Variants in PARP4 observed in about 807,000 individuals in gnomAD.
PARP4 encodes the protein protein mono-ADP-ribosyltransferase PARP4.
Under a neutral mutation model 187.7 loss-of-function variants are expected in PARP4, and 120 were observed. The observed-to-expected ratio is 0.64, with a 90% CI of 0.55 to 0.74. The LOEUF (loss-of-function observed/expected upper bound fraction) is 0.74, where lower values mean the gene tolerates loss of function less well. Ranked by LOEUF, PARP4 falls within the 30% of genes least tolerant of loss-of-function variation. PARP4 has a pLI of 0.00. For synonymous variants in PARP4, 654 were observed against 740.9 expected (o/e 0.88, Z 1.90); for missense variants, 1,836 against 2,070.5 (o/e 0.89, Z 2.20).
intron 30 of PARP4, among the ~76,000 whole-genome samples, chr13:24,436,653 T>A (rs537943549): frequency 6.6e-6 from 1 of 151,730 alleles, no homozygotes; most frequent in East Asian, 1.9e-4. Context: ...TACTAGAACA[T>A]GAACAATATG....
intron 25 of PARP4, among the ~76,000 whole-genome samples, chr13:24,447,971 C>T (rs2185620): frequency 0.83 from 125,712 of 152,040 alleles, 54,503 homozygotes; most frequent in East Asian, 0.98. Context: ...CTTTGGGAGG[C>T]CAAGGCAGGC....
intron 1 of PARP4, among the ~76,000 whole-genome samples, chr13:24,507,048 G>A (rs924409974): frequency 2.6e-5 from 4 of 152,198 alleles, no homozygotes; most frequent in African/African-American, 7.2e-5. Flanking sequence ...CTGCTGGCCC[G>A]GACGCTAAGC....
At chr13:24,477,166 T>C (rs1385308622) in intron 14 of PARP4, among the ~76,000 whole-genome samples, 1 of 152,190 alleles carries the variant, frequency 6.6e-6, no homozygotes, top group Non-Finnish European at 1.5e-5. Flanking sequence ...ATCATCCTAG[T>C]TGTTATGTAC....
intron 6 of PARP4, among the ~76,000 whole-genome samples, chr13:24,496,198 T>C (rs1298276091): frequency 6.6e-6 from 1 of 152,216 alleles, no homozygotes; most frequent in Non-Finnish European, 1.5e-5. Context: ...CATTCTATCA[T>C]GTTTTTCACC....
Position 24,435,280 on chromosome 13 carries a change from T to G in PARP4, c.3861A>C (p.Leu1287Phe). ...ERGGVEKLLD[L>F]SWTESCKPTA... The stretch of plus-strand genomic sequence containing the variant: ...TTGGTTTACATGACTCTGTCCAACT[T>G]AAATCCAATAGCTTTTCCACACCTC... Residue 1287 changes from leucine to phenylalanine, a missense_variant, in exon 31 of 34, where the codon TTA becomes TTC. Around this residue, in one of 8 missense-constraint regions of PARP4, gnomAD observed 450 missense variants for 439.2 expected, o/e 1.02. Coordinates refer to ENST00000381989, the MANE Select transcript of PARP4 (RefSeq NM_006437.4). 6.2e-7 allele frequency: 1 copy of G among 1,613,320 alleles called. No individual in the cohort carries two copies. Among genetic ancestry groups the G allele is most frequent in the Non-Finnish European group, 8.5e-7 (1 of 1,179,934 alleles).
intron 24 of PARP4, among the ~76,000 whole-genome samples, chr13:24,450,019 T>C (rs907024152): frequency 2.0e-4 from 30 of 152,246 alleles, no homozygotes; most frequent in African/African-American, 7.2e-4. Context: ...CTCCCATCTA[T>C]CAGAGGACTG....
At position 24,475,582 on chromosome 13, in the gene PARP4, C is replaced by T. The variant is rs748050033; in HGVS notation, c.1804G>A (p.Asp602Asn). 1 of 1,614,156 alleles carries T rather than the reference C, an allele frequency of 6.2e-7. No homozygotes were observed. Among genetic ancestry groups the T allele is most frequent in the East Asian group, 2.2e-5 (1 of 44,886 alleles). ...FSKVEDYQLP[D>N]AKTSSSTKAG... ...TTGGTGCTGCTGGAAGTTTTGGCAT[C>T]TGGTAACTGGTAATCTAAACGTTAA... The change falls in exon 15 of 34, where the codon GAT (aspartate) becomes AAT (asparagine). Residue 602 changes from aspartate to asparagine, a missense_variant. By Grantham distance (23) the Asp-to-Asn change is conservative. Transcript: ENST00000381989.
At chr13:24,451,736 C>T (rs901152735) in intron 24 of PARP4, among the ~76,000 whole-genome samples, 9 of 152,190 alleles carry the variant, frequency 5.9e-5, no homozygotes, top group Non-Finnish European at 1.2e-4. Flanking sequence ...TATGCAGACA[C>T]CAAGTGGCCC....
intron 12 of PARP4, among the ~76,000 whole-genome samples, 170 bp downstream of exon 12, chr13:24,484,483 T>C (rs1873447781): frequency 6.6e-6 from 1 of 152,176 alleles, no homozygotes; most frequent in East Asian, 1.9e-4. Context: ...TAAGGGCAGA[T>C]TTAAACATTA....
rs1335065048 is a variant in PARP4, at chr13:24,434,376, G to A, written c.4746+19C>T. On this transcript the variant is annotated intron_variant, in intron 31 of 33. Coordinates refer to ENST00000381989, the MANE Select transcript of PARP4 (RefSeq NM_006437.4). The stretch of plus-strand genomic sequence containing the variant: ...TGAAGCCAGCCAACCACAGATTTAA[G>A]GAGAAATAAGACACATACCTCTGTC... 29 of 1,517,264 alleles carry A rather than the reference G, an allele frequency of 1.9e-5. No individual in the cohort carries two copies. Among genetic ancestry groups the A allele is most frequent in the Non-Finnish European group, 2.5e-5 (28 of 1,134,094 alleles). 94.0% of individuals were successfully genotyped at this position (1,517,264 alleles called of 1,614,324 possible).
intron 12 of PARP4, among the ~76,000 whole-genome samples, chr13:24,483,966 T>A (rs1873417030): frequency 6.6e-6 from 1 of 152,316 alleles, no homozygotes; most frequent in Non-Finnish European, 1.5e-5. Context: ...TATTTAAGTC[T>A]TTTGCACATC....
intron 21 of PARP4, 42 bp from the exon 22 acceptor site, chr13:24,455,254 C>T: frequency 1.4e-6 from 2 of 1,458,102 alleles, no homozygotes; most frequent in Non-Finnish European, 1.9e-6. Flanking sequence ...CTTCTTGTCA[C>T]TTCAACTGCA....
chr13:24,425,501 T>C (rs969853444), intron 33 of PARP4, among the ~76,000 whole-genome samples: 4 of 151,916 alleles, frequency 2.6e-5, no homozygotes, highest in South Asian at 4.2e-4. Flanking sequence ...CATAAGCCAA[T>C]TACATGTGTA....
chr13:24,506,348 C>A (rs914676570), intron 1 of PARP4, among the ~76,000 whole-genome samples: 6 of 152,138 alleles, frequency 3.9e-5, no homozygotes, highest in Non-Finnish European at 5.9e-5. Context: ...TGAGCAGCAA[C>A]AAAATTTACT....
chr13:24,430,372 G>A (rs1270795404), intron 32 of PARP4, among the ~76,000 whole-genome samples: 1 of 152,160 alleles, frequency 6.6e-6, no homozygotes, highest in Non-Finnish European at 1.5e-5. Context: ...AAATCTCCAG[G>A]CTGAGCATGG....
chr13:24,500,272 T>A, intron 4 of PARP4, 44 bp downstream of exon 4: 1 of 1,176,958 alleles, frequency 8.5e-7, no homozygotes, highest in Non-Finnish European at 1.2e-6. Context: ...CACAAGATTT[T>A]ACAAACTCTG....
chr13:24,496,347 A>G (rs1028508058), intron 6 of PARP4, among the ~76,000 whole-genome samples: 13 of 152,150 alleles, frequency 8.5e-5, no homozygotes, highest in African/African-American at 2.9e-4. Context: ...CTCTGTTCCC[A>G]TGGAAATCTG....
intron 20 of PARP4, among the ~76,000 whole-genome samples, chr13:24,458,170 C>A (rs1269765978): frequency 6.7e-6 from 1 of 149,172 alleles, no homozygotes; most frequent in Non-Finnish European, 1.5e-5. Flanking sequence ...AGTGCAGTGG[C>A]GCAATCTCAG....
In PARP4 at chr13:24,474,414, T is replaced by C. The variant is rs1372078784; in HGVS notation, c.1914+1058A>G. ...CTGTGGGGCGCCTCCCCAGGAACCA[T>C]CCTCAGCCAAAGACAAACTGCCTTA... On this transcript the variant is annotated intron_variant, in intron 15 of 33. Coordinates refer to ENST00000381989, the MANE Select transcript of PARP4 (RefSeq NM_006437.4). 2.3e-5 allele frequency among the ~76,000 whole-genome samples: 3 copies of C among 132,644 alleles called. No homozygotes were observed. In the Admixed American group the frequency reaches 2.3e-4, roughly 10 times the overall value. 87.0% of individuals were successfully genotyped at this position (132,644 alleles called of 152,430 possible).
Sources: gnomAD v4.1 joint callset for allele counts (sites outside exome capture counted in the v4.1 genomes callset) on GRCh38, gnomAD v4.1.1 for gene constraint, gnomAD v4.1.1 regional missense constraint, MANE v1.5 for transcripts, NCBI Gene and HGNC (gene_info 2026-07-23, HGNC 2026-07-21) for gene names.